The following KDM3B variants were observed in gnomAD, a reference collection of about 807,000 sequenced individuals.
KDM3B encodes lysine demethylase 3B.
A neutral mutation model predicts 170.0 loss-of-function variants in KDM3B; 10 were observed. The ratio of observed to expected loss-of-function variants is 0.06; its 90% CI spans 0.04 to 0.10. The LOEUF is 0.10. Among genes scored for constraint, KDM3B ranks in the 10% least tolerant of loss-of-function variants. KDM3B has a pLI of 1.00. For synonymous variants in KDM3B, 831 were observed against 834.8 expected, an observed-to-expected ratio of 1.00 and a Z score of 0.08; for missense variants, 1,394 against 2,195.2, an observed-to-expected ratio of 0.64 and a Z score of 7.29.
chr5:138,414,231 T>C (rs558757435), intron 11 of KDM3B, among the ~76,000 whole-genome samples: 6 of 152,282 alleles, frequency 3.9e-5, no homozygotes, highest in Non-Finnish European at 5.9e-5. Flanking sequence ...AGTGGCGTGG[T>C]CTCAGCTCAC....
chr5:138,420,887 C>T lies in KDM3B; in HGVS notation c.3897C>T (p.Ser1299=), dbSNP rs759554146. 3.4e-5 allele frequency: 55 copies of T among 1,613,976 alleles called. No homozygotes were observed. The highest frequency in any genetic ancestry group is 1.8e-4 in the East Asian group (8 of 44,896). The change falls in exon 15 of 24, where the codon TCC becomes TCT. Residue 1299 remains serine, a synonymous_variant. Transcript: ENST00000314358. ...EGSSLRDLLH[S]GPGKLPQTPL... is the part of the protein sequence containing the mutation. ...CTAGCCTTCGAGACCTCCTTCACTC[C>T]GGGCCGGGAAAACTTCCTCAAACCC...
At chr5:138,392,371 A>G (rs1762456981) in intron 8 of KDM3B, 110 bp downstream of exon 8, 1 of 1,158,756 alleles carries the variant, frequency 8.6e-7, no homozygotes, top group South Asian at 2.6e-5. Context: ...CTGTAATCTC[A>G]TAGAATTACA....
Position 138,379,680 on chromosome 5 carries a change from C to G in KDM3B, c.677C>G (p.Thr226Ser), listed in dbSNP as rs1204813041. ...GTTGTGAGCCATCAGGACTCCATCA[C>G]TCGTCTTATGGAGGTGTCTGTAACT... ...YGVVSHQDSITRLMEVSVTES... is the reference protein window; with the variant it reads ...YGVVSHQDSISRLMEVSVTES... The change falls in exon 5 of 24, where the codon ACT (threonine) becomes AGT (serine). Residue 226 changes from threonine (T) to serine (S), a missense_variant. Thr to Ser is a moderately conservative substitution (Grantham distance 58, BLOSUM62 1). Coordinates refer to ENST00000314358, the MANE Select transcript of KDM3B (RefSeq NM_016604.4). 2 of 1,613,430 alleles carry G rather than the reference C, an allele frequency of 1.2e-6. No individual in the cohort carries two copies. Among genetic ancestry groups the G allele is most frequent in the Admixed American group, 1.7e-5 (1 of 59,934 alleles).
At chr5:138,433,899 C>T (rs184110143) in intron 23 of KDM3B, among the ~76,000 whole-genome samples, 12 of 151,478 alleles carry the variant, frequency 7.9e-5, no homozygotes, top group Non-Finnish European at 8.8e-5. Context: ...GTCATCACAC[C>T]GAGCTAATTT....
At chr5:138,416,253 T>C (rs1763100738) in intron 12 of KDM3B, among the ~76,000 whole-genome samples, 1 of 152,062 alleles carries the variant, frequency 6.6e-6, no homozygotes, top group Non-Finnish European at 1.5e-5. Context: ...TTGAAGATGA[T>C]GACTCTGCCA....
intron 1 of KDM3B, among the ~76,000 whole-genome samples, chr5:138,370,148 T>TA (rs1219644593): frequency 1.3e-5 from 2 of 152,228 alleles, no homozygotes; most frequent in African/African-American, 4.8e-5. Context: ...AGCCTATTTA[T>TA]ATATTAAATA....
chr5:138,413,810 T>G (rs757580143), intron 11 of KDM3B, among the ~76,000 whole-genome samples: 2 of 151,864 alleles, frequency 1.3e-5, no homozygotes, highest in Non-Finnish European at 2.9e-5. Flanking sequence ...ATTTTTAATT[T>G]TTTTACCATG....
At chr5:138,359,810 G>A (rs1761552765) in intron 1 of KDM3B, among the ~76,000 whole-genome samples, 1 of 152,152 alleles carries the variant, frequency 6.6e-6, no homozygotes, top group African/African-American at 2.4e-5. Flanking sequence ...CCAGAGAAGT[G>A]AAAGCATATC....
intron 12 of KDM3B, among the ~76,000 whole-genome samples, 190 bp downstream of exon 12, chr5:138,415,429 T>C (rs759002738): frequency 6.6e-6 from 1 of 152,058 alleles, no homozygotes; most frequent in African/African-American, 2.4e-5. Context: ...TTCTGTATTA[T>C]TGAAGAGACA....
intron 9 of KDM3B, among the ~76,000 whole-genome samples, 186 bp downstream of exon 9, chr5:138,393,558 A>G (rs1762484572): frequency 6.6e-6 from 1 of 152,212 alleles, no homozygotes; most frequent in African/African-American, 2.4e-5. Flanking sequence ...GTAAAATGAC[A>G]TGTGATTTTG....
intron 11 of KDM3B, among the ~76,000 whole-genome samples, chr5:138,408,168 G>A (rs1288092146): frequency 1.3e-5 from 2 of 152,096 alleles, no homozygotes; most frequent in Admixed American, 1.3e-4. Flanking sequence ...GGGTGGGGTA[G>A]CCAGCCTTCC....
intron 2 of KDM3B, among the ~76,000 whole-genome samples, chr5:138,373,622 A>G (rs1215084406): frequency 6.6e-6 from 1 of 152,056 alleles, no homozygotes; most frequent in East Asian, 1.9e-4. Flanking sequence ...AGCTGGGACT[A>G]CAGACGCACA....
rs540269431 is a variant in KDM3B at position 138,353,349 on chromosome 5, G to A, written c.192+362G>A. Among the ~76,000 whole-genome samples the A allele has an allele frequency of 2.7e-4, 41 of 152,348 alleles. No homozygotes were observed. In the South Asian group the frequency reaches 8.1e-3, roughly 30 times the overall value. Reference sequence around the variant, plus strand: ...TCAGAGTTCGGCCAGTGTTGCCGCTGCCCTCTCGAAGACGCGGACCTGTGG... The same window carrying A: ...TCAGAGTTCGGCCAGTGTTGCCGCTACCCTCTCGAAGACGCGGACCTGTGG... On this transcript the variant is annotated intron_variant, in intron 1 of 23. Coordinates refer to ENST00000314358, the MANE Select transcript of KDM3B (RefSeq NM_016604.4).
chr5:138,407,421 C>T (rs1352276045), intron 11 of KDM3B, among the ~76,000 whole-genome samples: 1 of 151,956 alleles, frequency 6.6e-6, no homozygotes, highest in Non-Finnish European at 1.5e-5. Context: ...TCTTGGAAGC[C>T]CCCTCTCTCT....
chr5:138,378,565 A>G (rs574451158), intron 4 of KDM3B, among the ~76,000 whole-genome samples: 1 of 152,264 alleles, frequency 6.6e-6, no homozygotes, highest in South Asian at 2.1e-4. Context: ...ATCTCATGAT[A>G]ATCATTATTT....
chr5:138,400,259 G>C lies in KDM3B; in HGVS notation c.3199+247G>C, dbSNP rs566385588. On this transcript the variant is annotated intron_variant, in intron 11 of 23. Coordinates refer to ENST00000314358, the MANE Select transcript of KDM3B (RefSeq NM_016604.4). ...TTTTGTTTTTGTTTTTTTTAAGGCA[G>C]ATTCTCGCTCTGTTGCCCAGGTTGG... 2.0e-5 allele frequency among the ~76,000 whole-genome samples: 3 copies of C among 151,486 alleles called. No homozygotes were observed. In the South Asian group the frequency reaches 6.3e-4, roughly 32 times the overall value.
Position 138,386,247 on chromosome 5 carries a change from G to A in KDM3B, c.1006G>A (p.Asp336Asn), listed in dbSNP as rs1297171538. ...GGNASGEPGL[D>N]QRAKQPPSTF... ...GAATGCCAGTGGAGAGCCAGGGCTG[G>A]ATCAGAGAGCCAAGCAGCCACCGTC... is the stretch of plus-strand genomic sequence containing the variant. The change falls in exon 7 of 24, where the codon GAT (aspartate) becomes AAT (asparagine). Residue 336 changes from aspartate to asparagine, a missense_variant. Asp to Asn is a conservative substitution (Grantham distance 23, BLOSUM62 1). Coordinates refer to ENST00000314358, the MANE Select transcript of KDM3B (RefSeq NM_016604.4). The A allele has an allele frequency of 6.2e-7, 1 of 1,614,170 alleles. No homozygotes were observed. The highest frequency in any genetic ancestry group is 8.5e-7 in the Non-Finnish European group (1 of 1,180,044).
At chr5:138,434,765 A>G (rs1277674280) in intron 23 of KDM3B, among the ~76,000 whole-genome samples, 1 of 152,152 alleles carries the variant, frequency 6.6e-6, no homozygotes, top group Admixed American at 6.5e-5. Context: ...GGAATTTTAC[A>G]TTTTACTCAC....
At chr5:138,404,539 A>G (rs1363943865) in intron 11 of KDM3B, among the ~76,000 whole-genome samples, 2 of 151,870 alleles carry the variant, frequency 1.3e-5, no homozygotes, top group Non-Finnish European at 2.9e-5. Context: ...AGGCAGGAGA[A>G]TCACTTGAAC....
Sources: allele counts gnomAD v4.1 joint callset (sites outside exome capture counted in the v4.1 genomes callset), GRCh38; gene constraint gnomAD v4.1.1; transcripts MANE v1.5; gene names NCBI Gene and HGNC (gene_info 2026-07-23, HGNC 2026-07-21).